Variants in ARHGAP42 observed in about 807,000 individuals in gnomAD.
ARHGAP42 encodes Rho GTPase activating protein 42.
A neutral mutation model predicts 125.0 loss-of-function variants in ARHGAP42; 63 were observed. That is an observed-to-expected ratio of 0.50 (90% CI 0.41 to 0.62). The LOEUF is 0.62. Among genes scored for constraint, ARHGAP42 ranks in the 20% least tolerant of loss-of-function variants. The pLI is 0.00. For missense variants in ARHGAP42, 766 were observed against 1,024.2 expected (o/e 0.75, Z 3.44); for synonymous variants, 339 against 351.0 (o/e 0.97, Z 0.38).
At chr11:100,897,232 G>C (rs536226370) in intron 4 of ARHGAP42, among the ~76,000 whole-genome samples, 1 of 152,136 alleles carries the variant, frequency 6.6e-6, no homozygotes, top group Non-Finnish European at 1.5e-5. Flanking sequence ...ATGCTATTTT[G>C]GTTACTATAA....
intron 3 of ARHGAP42, among the ~76,000 whole-genome samples, chr11:100,809,263 A>G (rs985997382): frequency 1.3e-5 from 2 of 152,132 alleles, no homozygotes; most frequent in Admixed American, 1.3e-4. Context: ...AGAAAAAGAA[A>G]AAAAGAAAGG....
chr11:100,895,492 A>AC lies in ARHGAP42; in HGVS notation c.385-17959dup, dbSNP rs200194385. On this transcript the variant is annotated intron_variant, in intron 4 of 23. Coordinates refer to ENST00000298815, the MANE Select transcript of ARHGAP42 (RefSeq NM_152432.4). ...CCAGAACTATTCTTATAAAAGAGCA[A>AC]CTTTTTTTTTTTTTTTTTTTTAATC... Among the ~76,000 whole-genome samples the AC allele has an allele frequency of 7.8e-4, 107 of 137,826 alleles. 2 individuals carry two copies. The highest frequency in any genetic ancestry group is 4.4e-3 in the South Asian group (19 of 4,272). The allele number at this position is 137,826 out of a possible 152,430, so 90.4% of individuals were successfully genotyped here.
intron 3 of ARHGAP42, among the ~76,000 whole-genome samples, chr11:100,808,395 CTTTTTTTTTTTTT>C (rs398045483): frequency 1.7e-5 from 2 of 118,778 alleles, no homozygotes; most frequent in Non-Finnish European, 3.4e-5. Context: ...TAAATTCACT[CTTTTTTTTTTTTT>C]TTTTTTTTGA....
intron 2 of ARHGAP42, among the ~76,000 whole-genome samples, chr11:100,786,191 C>T (rs1863428585): frequency 6.6e-6 from 1 of 152,152 alleles, no homozygotes; most frequent in African/African-American, 2.4e-5. Context: ...ACAGAATAAA[C>T]ATTAAAACAA....
chr11:100,902,991 G>A (rs575334941), intron 4 of ARHGAP42, among the ~76,000 whole-genome samples: 106 of 152,242 alleles, frequency 7.0e-4, no homozygotes, highest in African/African-American at 2.4e-3. Flanking sequence ...ATGGAGATGT[G>A]CCATAGAGGT....
chr11:100,952,312 CAA>C (rs1172589731), intron 12 of ARHGAP42, among the ~76,000 whole-genome samples: 1 of 152,022 alleles, frequency 6.6e-6, no homozygotes, highest in African/African-American at 2.4e-5. Flanking sequence ...TTTATTCTCT[CAA>C]AGTCACCCTA....
At chr11:100,701,717 G>C (rs538633871) in intron 1 of ARHGAP42, among the ~76,000 whole-genome samples, 176 of 152,310 alleles carry the variant, frequency 1.2e-3, no homozygotes, top group African/African-American at 3.9e-3. Context: ...TTGGCTTAAT[G>C]CAATATTGTG....
chr11:100,726,220 C>T (rs1373861252), intron 1 of ARHGAP42, among the ~76,000 whole-genome samples: 1 of 152,156 alleles, frequency 6.6e-6, no homozygotes. Flanking sequence ...AGCAAGCTTT[C>T]GGATTCTGCC....
chr11:100,942,418 G>A (rs634968), intron 9 of ARHGAP42, among the ~76,000 whole-genome samples: 43,203 of 152,078 alleles, frequency 0.28, 7,358 homozygotes, highest in East Asian at 0.74. Flanking sequence ...CATGGCTAGT[G>A]AACAGTATAG....
chr11:100,696,990 T>C lies in ARHGAP42; in HGVS notation c.154+9158T>C, dbSNP rs150740574. Among the ~76,000 whole-genome samples, 396 of 152,226 alleles carry C rather than the reference T, an allele frequency of 2.6e-3. 4 individuals carry two copies. Among genetic ancestry groups the C allele is most frequent in the African/African-American group, 9.1e-3 (379 of 41,526 alleles). On this transcript the variant is annotated intron_variant, in intron 1 of 23. Coordinates refer to ENST00000298815, the MANE Select transcript of ARHGAP42 (RefSeq NM_152432.4). ...TGGGGAACCATCTCTAGGAGGGTTG[T>C]CAATGTCAGGTAACATGTAAAAAAA...
At chr11:100,986,232 G>T in intron 22 of ARHGAP42, 1 of 367,262 alleles carries the variant, frequency 2.7e-6, no homozygotes, top group Non-Finnish European at 5.3e-6. Context: ...TCCCTGGGCA[G>T]CTATTTCAGA....
intron 2 of ARHGAP42, among the ~76,000 whole-genome samples, chr11:100,791,523 T>A (rs1184567646): frequency 6.6e-6 from 1 of 152,096 alleles, no homozygotes; most frequent in East Asian, 1.9e-4. Context: ...TACTAACTCA[T>A]AAAATGAATA....
At chr11:100,926,722 G>A (rs982326175) in intron 6 of ARHGAP42, among the ~76,000 whole-genome samples, 1 of 152,172 alleles carries the variant, frequency 6.6e-6, no homozygotes, top group African/African-American at 2.4e-5. Flanking sequence ...AATGCACAAA[G>A]CTCTTGTACC....
At chr11:100,769,102 G>A (rs1295835529) in intron 1 of ARHGAP42, among the ~76,000 whole-genome samples, 1 of 152,162 alleles carries the variant, frequency 6.6e-6, no homozygotes, top group African/African-American at 2.4e-5. Flanking sequence ...TGGTAAGTAT[G>A]TATATCTAAA....
intron 1 of ARHGAP42, among the ~76,000 whole-genome samples, chr11:100,759,544 T>A (rs959246093): frequency 6.6e-6 from 1 of 152,130 alleles, no homozygotes; most frequent in African/African-American, 2.4e-5. Flanking sequence ...CAGGGAGAGT[T>A]ATAAGATTTA....
chr11:100,908,735 A>G (rs1311226282), intron 4 of ARHGAP42, among the ~76,000 whole-genome samples: 1 of 152,158 alleles, frequency 6.6e-6, no homozygotes, highest in African/African-American at 2.4e-5. Context: ...TGATCTAATG[A>G]TTTCTTTCCC....
chr11:100,718,112 G>C (rs964215375), intron 1 of ARHGAP42, among the ~76,000 whole-genome samples: 4 of 152,148 alleles, frequency 2.6e-5, no homozygotes, highest in African/African-American at 9.7e-5. Flanking sequence ...GTTCAGGTGT[G>C]TGTCTCTAGC....
intron 2 of ARHGAP42, among the ~76,000 whole-genome samples, chr11:100,793,680 C>T (rs1324562168): frequency 2.0e-5 from 3 of 151,924 alleles, no homozygotes; most frequent in Non-Finnish European, 4.4e-5. Context: ...ACTTACTTGT[C>T]TTTGTTGTTG....
At chr11:100,978,210 A>G (rs1216211714) in intron 21 of ARHGAP42, among the ~76,000 whole-genome samples, 1 of 152,202 alleles carries the variant, frequency 6.6e-6, no homozygotes, top group Non-Finnish European at 1.5e-5. Context: ...TAGAAATTCA[A>G]ATGATTAAAG....
Sources: allele counts gnomAD v4.1 joint callset (sites outside exome capture counted in the v4.1 genomes callset), GRCh38; gene constraint gnomAD v4.1.1; transcripts MANE v1.5; gene names NCBI Gene and HGNC (gene_info 2026-07-23, HGNC 2026-07-21).